The following ZNF727 variants were observed in gnomAD, a reference collection of about 807,000 sequenced individuals.
ZNF727 encodes the protein zinc finger protein 727.
Under a neutral mutation model 11.5 loss-of-function variants are expected in ZNF727, and 11 were observed. The observed-to-expected ratio is 0.95, with a 90% confidence interval of 0.60 to 1.58. The LOEUF (loss-of-function observed/expected upper bound fraction) is 1.58, where lower values mean the gene tolerates loss of function less well. Among genes scored for constraint, ZNF727 ranks in the 40% most tolerant of loss-of-function variants. The pLI is 0.00. For synonymous variants in ZNF727, 171 were observed against 196.1 expected (o/e 0.87, Z 1.07); for missense variants, 533 against 581.7 (o/e 0.92, Z 0.86).
chr7:64,072,477 C>T (rs1406063444), intron 3 of ZNF727, among the ~76,000 whole-genome samples: 2 of 152,080 alleles, frequency 1.3e-5, no homozygotes, highest in Non-Finnish European at 2.9e-5. Flanking sequence ...GCAGGATTTC[C>T]TCAGGTCACT....
chr7:64,058,763 T>TA (rs1358784993), intron 1 of ZNF727, among the ~76,000 whole-genome samples: 1 of 152,208 alleles, frequency 6.6e-6, no homozygotes, highest in East Asian at 1.9e-4. Context: ...ATCTGGGTAA[T>TA]ACGACAGGCA....
At chr7:64,050,099 A>T (rs1039293714) in intron 1 of ZNF727, among the ~76,000 whole-genome samples, 8 of 152,066 alleles carry the variant, frequency 5.3e-5, no homozygotes, top group African/African-American at 1.9e-4. Context: ...CTGAGAAGTC[A>T]GAAGACACTG....
intron 1 of ZNF727, among the ~76,000 whole-genome samples, chr7:64,065,971 G>A (rs1401828013): frequency 1.3e-5 from 2 of 152,096 alleles, no homozygotes; most frequent in Non-Finnish European, 2.9e-5. Flanking sequence ...CAGGTCCTTG[G>A]TTATCACTGA....
intron 1 of ZNF727, among the ~76,000 whole-genome samples, chr7:64,047,024 C>T (rs1454055512): frequency 2.7e-5 from 4 of 149,496 alleles, no homozygotes; most frequent in African/African-American, 7.5e-5. Flanking sequence ...GAAATTCTTT[C>T]GACGTAGTTA....
In ZNF727 at chr7:64,084,370, T is replaced by G. The variant is rs998010468; in HGVS notation, c.*5821T>G. 1.3e-5 allele frequency among the ~76,000 whole-genome samples: 2 copies of G among 152,202 alleles called. No homozygotes were observed. Among genetic ancestry groups the G allele is most frequent in the Non-Finnish European group, 2.9e-5 (2 of 68,016 alleles). ...ATTTATTTTAATAAACCAAAATTAT[T>G]GTTATTGAGTTAAGGCTATTTTACA... is the stretch of plus-strand genomic sequence containing the variant. On this transcript the variant is annotated 3_prime_UTR_variant, in exon 4 of 4. Transcript: ENST00000456806.
At chr7:64,063,727 C>T (rs1178209798) in intron 1 of ZNF727, among the ~76,000 whole-genome samples, 2 of 151,978 alleles carry the variant, frequency 1.3e-5, no homozygotes, top group Non-Finnish European at 2.9e-5. Flanking sequence ...CTCTTACCCA[C>T]CCTGGGCTGG....
chr7:64,066,432 T>C (rs1789870554), intron 1 of ZNF727, among the ~76,000 whole-genome samples: 1 of 152,160 alleles, frequency 6.6e-6, no homozygotes, highest in Non-Finnish European at 1.5e-5. Flanking sequence ...CAAAACAGCA[T>C]GGTACTGGTA....
intron 1 of ZNF727, among the ~76,000 whole-genome samples, chr7:64,064,199 C>A (rs1454914674): frequency 6.6e-6 from 1 of 152,138 alleles, no homozygotes. Context: ...AAGCAGCAGT[C>A]TCTCCACATG....
intron 1 of ZNF727, among the ~76,000 whole-genome samples, chr7:64,056,151 G>T (rs1584143700): frequency 6.6e-6 from 1 of 152,006 alleles, no homozygotes; most frequent in East Asian, 1.9e-4. Flanking sequence ...TTATAAACAG[G>T]TTTATTTTAT....
At chr7:64,046,629 G>A (rs915572056) in intron 1 of ZNF727, among the ~76,000 whole-genome samples, 1 of 152,248 alleles carries the variant, frequency 6.6e-6, no homozygotes, top group Non-Finnish European at 1.5e-5. Context: ...AGAAGCAGAT[G>A]CTGGTGTTAT....
Position 64,081,306 on chromosome 7 carries a change from A to G in ZNF727, c.*2757A>G, listed in dbSNP as rs1562800299. On this transcript the variant is annotated 3_prime_UTR_variant, in exon 4 of 4. Transcript: ENST00000456806. ...ATGATTGTTCAGAGTGTGGGAGGAT[A>G]CCCTGTTCTCCGCACAGTTTTACCA... Among the ~76,000 whole-genome samples, 1 of 151,888 alleles carries G rather than the reference A, an allele frequency of 6.6e-6. No homozygotes were observed. The highest frequency in any genetic ancestry group is 1.5e-5 in the Non-Finnish European group (1 of 67,990).
At position 64,077,516 on chromosome 7, in the gene ZNF727, T is replaced by C. The variant is rs887970402; in HGVS notation, c.467T>C (p.Leu156Ser). Residue 156 changes from leucine to serine, a missense_variant, in exon 4 of 4, where the codon TTG (leucine) becomes TCG (serine). This residue lies in a region of ZNF727 where 463 missense variants were observed against 494.5 expected (regional missense o/e 0.94). Transcript: ENST00000456806. ...AATAAATGTGGCAAAGCTTTTGGGT[T>C]GTGCTCAATCTTCACTGAACATAAG... Reference protein sequence around the residue: ...QYNKCGKAFGLCSIFTEHKKI... With the variant: ...QYNKCGKAFGSCSIFTEHKKI... 136 of 1,551,354 alleles carry C rather than the reference T, an allele frequency of 8.8e-5. No individual in the cohort carries two copies. The highest frequency in any genetic ancestry group is 1.1e-4 in the Non-Finnish European group (127 of 1,146,832).
At chr7:64,060,171 A>G (rs554794656) in intron 1 of ZNF727, among the ~76,000 whole-genome samples, 30 of 152,330 alleles carry the variant, frequency 2.0e-4, no homozygotes, top group Non-Finnish European at 3.8e-4. Flanking sequence ...AAGACTAAAT[A>G]TGGTGATTTT....
Position 64,081,471 on chromosome 7 carries a change from T to G in ZNF727, c.*2922T>G, listed in dbSNP as rs981598271. Among the ~76,000 whole-genome samples, 4 of 152,006 alleles carry G rather than the reference T, an allele frequency of 2.6e-5. No homozygotes were observed. The highest frequency in any genetic ancestry group is 9.7e-5 in the African/African-American group (4 of 41,386). ...AGCCAAACTCACCTTTGCAGACATG[T>G]GCCAGCAAAGTAATATGGGGAGTTG... On this transcript the variant is annotated 3_prime_UTR_variant, in exon 4 of 4. Coordinates refer to ENST00000456806, the MANE Select transcript of ZNF727 (RefSeq NM_001159522.3).
At chr7:64,062,662 A>G (rs1789789569) in intron 1 of ZNF727, among the ~76,000 whole-genome samples, 1 of 139,984 alleles carries the variant, frequency 7.1e-6, no homozygotes, top group Non-Finnish European at 1.6e-5. Context: ...TGTACTTGGC[A>G]TTCTATAACC....
rs146221437 is a variant in ZNF727 at position 64,067,676 on chromosome 7, G to A, written c.4-1215G>A. Among the ~76,000 whole-genome samples, 142 of 152,238 alleles carry A rather than the reference G, an allele frequency of 9.3e-4. No homozygotes were observed. The East Asian group carries it at 0.02, about 22-fold the overall frequency. ...ACCGCATGTTCTCACTCATAAGTGG[G>A]AGTCGAACAATGAGAACATGTGGAC... On this transcript the variant is annotated intron_variant, in intron 1 of 3. Coordinates refer to ENST00000456806, the MANE Select transcript of ZNF727 (RefSeq NM_001159522.3).
chr7:64,070,291 A>G (rs1789940522), intron 3 of ZNF727, among the ~76,000 whole-genome samples: 4 of 152,072 alleles, frequency 2.6e-5, no homozygotes, highest in Admixed American at 2.0e-4. Context: ...CAGTGTATCT[A>G]CTTCATACAT....
Position 64,068,781 on chromosome 7 carries a change from A to T in ZNF727, c.4-110A>T. On this transcript the variant is annotated intron_variant, in intron 1 of 3. Coordinates refer to ENST00000456806, the MANE Select transcript of ZNF727 (RefSeq NM_001159522.3). ...GTGCTAGAAAGTATCCTATTGGATAACTCCAGTAACTCATATAAGTCAGAA... is the reference window on the plus strand; with the variant it reads ...GTGCTAGAAAGTATCCTATTGGATATCTCCAGTAACTCATATAAGTCAGAA... The T allele has an allele frequency of 2.4e-6, 3 of 1,232,298 alleles. No individual in the cohort carries two copies. The South Asian group carries it at 4.2e-5, about 17-fold the overall frequency. The allele number at this position is 1,232,298 out of a possible 1,614,324, so 76.3% of individuals were successfully genotyped here.
intron 1 of ZNF727, among the ~76,000 whole-genome samples, chr7:64,046,901 C>T (rs1181171156): frequency 6.6e-6 from 1 of 152,028 alleles, no homozygotes; most frequent in East Asian, 1.9e-4. Context: ...TGCATTTGCA[C>T]CCATCCGGTG....
Sources: gnomAD v4.1 joint callset for allele counts (sites outside exome capture counted in the v4.1 genomes callset) on GRCh38, gnomAD v4.1.1 for gene constraint, gnomAD v4.1.1 regional missense constraint, MANE v1.5 for transcripts, NCBI Gene and HGNC (gene_info 2026-07-23, HGNC 2026-07-21) for gene names.